BIRC6: variants seen among roughly 807,000 people sequenced by gnomAD.
BIRC6 encodes the protein dual E2 ubiquitin-conjugating enzyme/E3 ubiquitin-protein ligase BIRC6.
A neutral mutation model predicts 503.3 loss-of-function variants in BIRC6; 98 were observed. The ratio of observed to expected loss-of-function variants is 0.19; its 90% CI spans 0.17 to 0.23. The LOEUF is 0.23. Ranked by LOEUF, BIRC6 falls within the 10% of genes least tolerant of loss-of-function variation. The pLI is 1.00. For synonymous variants in BIRC6, 2,240 were observed against 2,078.7 expected (o/e 1.08, Z -2.11); for missense variants, 5,360 against 5,806.0 (o/e 0.92, Z 2.50).
chr2:32,509,858 G>A lies in BIRC6; in HGVS notation c.10101G>A (p.Met3367Ile). ...TGCAGACTTGTGCGGCCTTATTGAT[G>A]TCACCTTACTGTGGAATGCATTCAC... ...NLLQTCAALL[M>I]SPYCGMHSPN... Residue 3367 changes from methionine (M) to isoleucine (I), a missense_variant, in exon 52 of 74, where the codon ATG becomes ATA. Transcript: ENST00000421745. 1 of 1,613,988 alleles carries A rather than the reference G, an allele frequency of 6.2e-7. No individual in the cohort carries two copies. The highest frequency in any genetic ancestry group is 8.5e-7 in the Non-Finnish European group (1 of 1,179,874).
chr2:32,616,253 G>T (rs2063230047), intron 73 of BIRC6, among the ~76,000 whole-genome samples: 1 of 151,948 alleles, frequency 6.6e-6, no homozygotes, highest in African/African-American at 2.4e-5. Flanking sequence ...ATGATAGGCT[G>T]GGTGCAGTTC....
In BIRC6 at chr2:32,575,210, G is replaced by A. The variant is rs1220556305; in HGVS notation, c.13199G>A (p.Arg4400Gln). 2 of 1,613,782 alleles carry A rather than the reference G, an allele frequency of 1.2e-6. No individual in the cohort carries two copies. Among genetic ancestry groups the A allele is most frequent in the Non-Finnish European group, 1.7e-6 (2 of 1,179,872 alleles). Reference sequence around the variant, plus strand: ...TATCGGGCACTGCTGGAATTGCTTCGGGCCATTGCTTCTTGTGCTGCCATG... The same window carrying A: ...TATCGGGCACTGCTGGAATTGCTTCAGGCCATTGCTTCTTGTGCTGCCATG... ...PLYRALLELL[R>Q]AIASCAAMVP... is the part of the protein sequence containing the mutation. Residue 4400 changes from arginine to glutamine, a missense_variant, in exon 66 of 74, where the codon CGG (arginine) becomes CAG (glutamine). Arg to Gln is a conservative substitution (Grantham distance 43). This residue lies in a region of BIRC6 where 477 missense variants were observed against 574.4 expected (regional missense o/e 0.83). Coordinates refer to ENST00000421745, the MANE Select transcript of BIRC6 (RefSeq NM_016252.4).
chr2:32,425,406 G>C (rs2043369902), intron 10 of BIRC6, among the ~76,000 whole-genome samples: 1 of 148,994 alleles, frequency 6.7e-6, no homozygotes, highest in Admixed American at 6.7e-5. Flanking sequence ...CAATATCTGG[G>C]CTTTCTCAGG....
chr2:32,552,255 A>G (rs2150439369), intron 65 of BIRC6, among the ~76,000 whole-genome samples: 1 of 152,320 alleles, frequency 6.6e-6, no homozygotes, highest in Middle Eastern at 3.4e-3. Context: ...TTAATGTTTA[A>G]TGACTGTTAA....
At chr2:32,451,768 A>T (rs2046759217) in intron 22 of BIRC6, among the ~76,000 whole-genome samples, 1 of 152,316 alleles carries the variant, frequency 6.6e-6, no homozygotes, top group Non-Finnish European at 1.5e-5. Context: ...GTTATTTGAC[A>T]GTTGTTTTTT....
At chr2:32,617,332 C>T (rs576219431) in intron 73 of BIRC6, among the ~76,000 whole-genome samples, 7 of 152,140 alleles carry the variant, frequency 4.6e-5, no homozygotes, top group African/African-American at 1.4e-4. Flanking sequence ...ACCCGGGAGG[C>T]GGAGGTTGCA....
In BIRC6 at chr2:32,545,502, A is replaced by G. The variant is rs2150321284; in HGVS notation, c.12593-141A>G. The G allele has an allele frequency of 3.6e-5, 25 of 693,266 alleles. No individual in the cohort carries two copies. The South Asian group carries it at 4.5e-4, about 12-fold the overall frequency. 42.9% of individuals were successfully genotyped at this position (693,266 alleles called of 1,614,324 possible). On this transcript the variant is annotated intron_variant, in intron 62 of 73. Coordinates refer to ENST00000421745, the MANE Select transcript of BIRC6 (RefSeq NM_016252.4). ...TTAAATTTTAAGATATTACTGTTGT[A>G]TTTGTGGTATTTGGTTTTCTAAATA...
chr2:32,544,258 GT>G (rs1172252537), intron 62 of BIRC6, among the ~76,000 whole-genome samples: 1 of 152,002 alleles, frequency 6.6e-6, no homozygotes, highest in East Asian at 1.9e-4. Flanking sequence ...GTTGAATATA[GT>G]TTTTTTCAGA....
At chr2:32,545,509 GTATT>G in intron 62 of BIRC6, 130 bp from the exon 63 acceptor site, 1 of 719,012 alleles carries the variant, frequency 1.4e-6, no homozygotes, top group Non-Finnish European at 2.4e-6. Context: ...TGTATTTGTG[GTATT>G]TGGTTTTCTA....
At chr2:32,510,723 C>G (rs2149607139) in intron 53 of BIRC6, 89 bp downstream of exon 53, 1 of 888,240 alleles carries the variant, frequency 1.1e-6, no homozygotes, top group East Asian at 2.4e-5. Context: ...CTTAGATGAT[C>G]TCATAAAAGA....
intron 9 of BIRC6, among the ~76,000 whole-genome samples, chr2:32,407,858 GTTTT>G (rs909182672): frequency 6.7e-6 from 1 of 150,134 alleles, no homozygotes; most frequent in African/African-American, 2.4e-5. Context: ...GTTAAAAATT[GTTTT>G]TTTTTCTTTT....
chr2:32,434,481 C>G (rs1186086958), intron 13 of BIRC6, among the ~76,000 whole-genome samples: 2 of 151,768 alleles, frequency 1.3e-5, no homozygotes, highest in Non-Finnish European at 2.9e-5. Context: ...CAGAAACAAC[C>G]AATCGTGGAT....
intron 61 of BIRC6, among the ~76,000 whole-genome samples, chr2:32,537,555 C>T (rs1359070396): frequency 1.3e-5 from 2 of 152,132 alleles, no homozygotes; most frequent in African/African-American, 4.8e-5. Flanking sequence ...AAATTTTCTA[C>T]AATTCTTCAC....
At chr2:32,501,497 A>G (rs2053193044) in intron 46 of BIRC6, among the ~76,000 whole-genome samples, 1 of 152,148 alleles carries the variant, frequency 6.6e-6, no homozygotes, top group South Asian at 2.1e-4. Context: ...GACAGCTATT[A>G]TATATTCATT....
intron 66 of BIRC6, among the ~76,000 whole-genome samples, chr2:32,586,124 C>T (rs1034808366): frequency 2.6e-5 from 4 of 152,110 alleles, no homozygotes. Flanking sequence ...CTACTACCCA[C>T]TACCCAAATA....
At chr2:32,375,480 A>AAAAC (rs200405729) in intron 1 of BIRC6, among the ~76,000 whole-genome samples, 1 of 151,972 alleles carries the variant, frequency 6.6e-6, no homozygotes, top group Non-Finnish European at 1.5e-5. Context: ...TGTCTCTAAA[A>AAAAC]AAACAAACAA....
At chr2:32,586,197 G>A (rs992894473) in intron 66 of BIRC6, among the ~76,000 whole-genome samples, 3 of 151,066 alleles carry the variant, frequency 2.0e-5, no homozygotes, top group African/African-American at 7.3e-5. Context: ...ATTGGTTGTT[G>A]GAAAACACTG....
At chr2:32,470,335 C>T (rs2048979673) in intron 31 of BIRC6, 34 bp downstream of exon 31, 1 of 1,482,048 alleles carries the variant, frequency 6.7e-7, no homozygotes, top group East Asian at 2.5e-5. Context: ...TTAGTAAAAA[C>T]AATATTCCTG....
chr2:32,586,002 AT>A (rs889435597), intron 66 of BIRC6, among the ~76,000 whole-genome samples: 1 of 152,212 alleles, frequency 6.6e-6, no homozygotes, highest in Non-Finnish European at 1.5e-5. Context: ...TAAAGCTGAG[AT>A]TTAGCTTCTA....
Sources: allele counts gnomAD v4.1 joint callset (sites outside exome capture counted in the v4.1 genomes callset), GRCh38; gene constraint gnomAD v4.1.1; regional missense constraint gnomAD v4.1.1; transcripts MANE v1.5; gene names NCBI Gene and HGNC (gene_info 2026-07-23, HGNC 2026-07-21).